AKAP10: variants seen among roughly 807,000 people sequenced by gnomAD.
The protein encoded by AKAP10 is A-kinase anchoring protein 10, also known as A-kinase anchor protein 10, mitochondrial.
Under a neutral mutation model 80.8 loss-of-function variants are expected in AKAP10, and 24 were observed. The observed-to-expected ratio is 0.30, with a 90% CI of 0.22 to 0.42. The LOEUF (loss-of-function observed/expected upper bound fraction) is 0.42, where lower values mean the gene tolerates loss of function less well. AKAP10 is among the 10% of genes least tolerant of loss of function. AKAP10 has a pLI of 1.00. For synonymous variants in AKAP10, 291 were observed against 277.7 expected (o/e 1.05, Z -0.48); for missense variants, 661 against 794.9 (o/e 0.83, Z 2.03).
chr17:19,970,062 C>T (rs536681218), intron 1 of AKAP10, among the ~76,000 whole-genome samples: 1 of 152,278 alleles, frequency 6.6e-6, no homozygotes, highest in South Asian at 2.1e-4. Context: ...AAATTTATAT[C>T]TCCATCCTAA....
intron 2 of AKAP10, among the ~76,000 whole-genome samples, chr17:19,966,724 T>TAAGCACAGAATTTTTTAG (rs1185169618): frequency 2.6e-5 from 4 of 152,246 alleles, no homozygotes; most frequent in African/African-American, 4.8e-5. Context: ...AAATGAAGAA[T>TAAGCACAGAATTTTTTAG]CTGAAGAAAG....
At chr17:19,954,988 G>C (rs2043257601) in intron 4 of AKAP10, among the ~76,000 whole-genome samples, 1 of 152,062 alleles carries the variant, frequency 6.6e-6, no homozygotes, top group African/African-American at 2.4e-5. Context: ...GGGAGGCCGA[G>C]GCAGGTGGAT....
At chr17:19,962,497 A>T (rs1045121802) in intron 3 of AKAP10, among the ~76,000 whole-genome samples, 4 of 152,154 alleles carry the variant, frequency 2.6e-5, no homozygotes, top group African/African-American at 9.7e-5. Context: ...TGACATTCAA[A>T]TTGTCAAACT....
At chr17:19,973,128 C>T (rs969384793) in intron 1 of AKAP10, among the ~76,000 whole-genome samples, 7 of 152,056 alleles carry the variant, frequency 4.6e-5, no homozygotes, top group African/African-American at 1.4e-4. Context: ...TATAGACACC[C>T]ACCACCATGC....
chr17:19,956,324 A>G (rs1216263508), intron 4 of AKAP10, among the ~76,000 whole-genome samples: 1 of 152,224 alleles, frequency 6.6e-6, no homozygotes, highest in African/African-American at 2.4e-5. Flanking sequence ...ACAAAAGTCC[A>G]AGAAACATGT....
chr17:19,917,276 A>C (rs573377110), intron 12 of AKAP10, among the ~76,000 whole-genome samples: 5 of 152,072 alleles, frequency 3.3e-5, no homozygotes, highest in South Asian at 2.1e-4. Context: ...GGAAAAAAAA[A>C]CAAAACAAAC....
intron 10 of AKAP10, among the ~76,000 whole-genome samples, chr17:19,929,901 C>CG (rs1350939483): frequency 2.0e-5 from 3 of 150,014 alleles, no homozygotes; most frequent in Non-Finnish European, 4.4e-5. Context: ...TGCTTGAACC[C>CG]GGGAGGTGGA....
chr17:19,911,947 A>G, intron 12 of AKAP10, among the ~76,000 whole-genome samples: 1 of 150,582 alleles, frequency 6.6e-6, no homozygotes, highest in Admixed American at 6.7e-5. Context: ...CAATTTAAGT[A>G]CAGTTTTGTC....
At chr17:19,946,217 ATATTT>A (rs1481796195) in intron 5 of AKAP10, among the ~76,000 whole-genome samples, 1 of 45,074 alleles carries the variant, frequency 2.2e-5, no homozygotes, top group Admixed American at 3.4e-4. Context: ...ATATATATAT[ATATTT>A]TATATATATA....
intron 12 of AKAP10, among the ~76,000 whole-genome samples, chr17:19,914,393 A>G (rs1001977227): frequency 7.2e-5 from 11 of 152,138 alleles, no homozygotes; most frequent in Admixed American, 5.9e-4. Context: ...GCTCACTCCT[A>G]TAATCCCAAT....
rs80105106 is a variant in AKAP10, at chr17:19,948,951, C to G, written c.878-1446G>C. On this transcript the variant is annotated intron_variant, in intron 4 of 14. Transcript: ENST00000225737. ...TAACTAGGTCAACTGCTTGTTAAAG[C>G]AAAAACTTCAATATTTTCCACAGGA... Among the ~76,000 whole-genome samples the G allele has an allele frequency of 2.7e-3, 406 of 152,190 alleles. 15 individuals carry two copies. The East Asian group carries it at 0.074, about 28-fold the overall frequency.
At chr17:19,913,815 C>T (rs909300247) in intron 12 of AKAP10, among the ~76,000 whole-genome samples, 1 of 151,966 alleles carries the variant, frequency 6.6e-6, no homozygotes, top group Admixed American at 6.6e-5. Flanking sequence ...AAATATAATC[C>T]GTAATCTTAC....
intron 12 of AKAP10, 56 bp downstream of exon 12, chr17:19,919,980 C>T (rs1039689990): frequency 1.4e-6 from 2 of 1,400,734 alleles, no homozygotes; most frequent in Admixed American, 1.8e-5. Flanking sequence ...CTTTGACTTA[C>T]AGTCAATCAC....
chr17:19,935,691 G>A (rs1347351587), intron 9 of AKAP10, among the ~76,000 whole-genome samples: 1 of 151,798 alleles, frequency 6.6e-6, no homozygotes, highest in African/African-American at 2.4e-5. Flanking sequence ...CACAGGGTCA[G>A]GATCATCAAT....
chr17:19,971,678 T>C (rs1007118512), intron 1 of AKAP10, among the ~76,000 whole-genome samples: 3 of 152,260 alleles, frequency 2.0e-5, no homozygotes, highest in Non-Finnish European at 4.4e-5. Context: ...CTCATTTTCC[T>C]GTTAATGAAC....
Position 19,944,446 on chromosome 17 carries a change from T to C in AKAP10, c.977-2536A>G, listed in dbSNP as rs550638428. 3.5e-4 allele frequency among the ~76,000 whole-genome samples: 53 copies of C among 151,996 alleles called. 2 individuals are homozygous for C. Among genetic ancestry groups the C allele is most frequent in the Admixed American group, 3.5e-3 (53 of 15,248 alleles). On this transcript the variant is annotated intron_variant, in intron 5 of 14. Transcript: ENST00000225737. ...GTGAGTAGATCATGAGGTCAGGAGATGGAGACCATCCTGGCCAACACGGTG... is the reference window on the plus strand; with the variant it reads ...GTGAGTAGATCATGAGGTCAGGAGACGGAGACCATCCTGGCCAACACGGTG...
chr17:19,907,836 T>C (rs190364828), intron 14 of AKAP10, among the ~76,000 whole-genome samples: 2 of 152,278 alleles, frequency 1.3e-5, no homozygotes. Flanking sequence ...CTTCATGTCA[T>C]GCTTGGTAAT....
At chr17:19,908,343 G>C (rs1171302593) in intron 14 of AKAP10, among the ~76,000 whole-genome samples, 1 of 152,116 alleles carries the variant, frequency 6.6e-6, no homozygotes, top group South Asian at 2.1e-4. Flanking sequence ...CAGTAGTAAG[G>C]CATAACCTCT....
chr17:19,967,556 A>G (rs1053533930), intron 2 of AKAP10, among the ~76,000 whole-genome samples: 8 of 152,354 alleles, frequency 5.3e-5, no homozygotes, highest in African/African-American at 1.4e-4. Context: ...CACTGTAATC[A>G]CTAGGATAGC....
Sources: gnomAD v4.1 joint callset for allele counts (sites outside exome capture counted in the v4.1 genomes callset) on GRCh38, gnomAD v4.1.1 for gene constraint, MANE v1.5 for transcripts, NCBI Gene and HGNC (gene_info 2026-07-23, HGNC 2026-07-21) for gene names.